The following PDE10A variants were observed in gnomAD, a reference collection of about 807,000 sequenced individuals.
The protein encoded by PDE10A is cAMP and cAMP-inhibited cGMP 3',5'-cyclic phosphodiesterase 10A.
A neutral mutation model predicts 97.7 loss-of-function variants in PDE10A; 39 were observed. The ratio of observed to expected loss-of-function variants is 0.40; its 90% confidence interval spans 0.31 to 0.52. The LOEUF (loss-of-function observed/expected upper bound fraction) is 0.52, where lower values mean the gene tolerates loss of function less well. Among genes scored for constraint, PDE10A ranks in the 20% least tolerant of loss-of-function variants. The pLI, the probability that PDE10A is intolerant of heterozygous loss-of-function variation, is 0.56. For missense variants in PDE10A, 731 were observed against 1,047.8 expected (o/e 0.70, Z 4.17); for synonymous variants, 371 against 376.8 (o/e 0.98, Z 0.18).
In PDE10A at chr6:165,584,244, T is replaced by A. The variant is rs11967750; in HGVS notation, c.866-40676A>T. On this transcript the variant is annotated intron_variant, in intron 1 of 21. Transcript: ENST00000539869. ...GTGCACTGCAGTTTTCTGGAAGGAG[T>A]TGCAGTTGAGGACTCAGGCTTCCCT... 2.0e-5 allele frequency among the ~76,000 whole-genome samples: 3 copies of A among 151,926 alleles called. No homozygotes were observed. The East Asian group carries it at 5.8e-4, about 29-fold the overall frequency.
chr6:165,986,500 C>CCTCTCTCTCTCTCTCTCT (rs1353099002), intron 1 of PDE10A: 1 of 130,434 alleles, frequency 7.7e-6, no homozygotes, highest in African/African-American at 3.1e-5. Context: ...TGGTGTTGCG[C>CCTCTCTCTCTCTCTCTCT]CTCTCTCTCT....
chr6:165,663,729 A>G (rs541328207), upstream of PDE10A, among the ~76,000 whole-genome samples: 2 of 152,336 alleles, frequency 1.3e-5, no homozygotes, highest in East Asian at 3.9e-4. Context: ...GCACAAGCCC[A>G]GTTTGCCTTG....
intron 1 of PDE10A, among the ~76,000 whole-genome samples, chr6:165,778,198 G>A (rs1778246794): frequency 6.6e-6 from 1 of 152,008 alleles, no homozygotes; most frequent in Admixed American, 6.6e-5. Context: ...CCTCTCCCGA[G>A]TAGCTGGGAC....
intron 1 of PDE10A, among the ~76,000 whole-genome samples, chr6:165,583,321 C>T (rs1785720455): frequency 6.6e-6 from 1 of 152,196 alleles, no homozygotes; most frequent in Non-Finnish European, 1.5e-5. Flanking sequence ...TCTACCTCTT[C>T]AGTCTTACTG....
intron 1 of PDE10A, among the ~76,000 whole-genome samples, chr6:165,567,131 G>A (rs559769081): frequency 6.6e-6 from 1 of 152,116 alleles, no homozygotes. Flanking sequence ...AAACTATTCA[G>A]AACTGCATGG....
intron 5 of PDE10A, among the ~76,000 whole-genome samples, 185 bp from the exon 6 acceptor site, chr6:165,435,562 C>T (rs1030617320): frequency 6.6e-6 from 1 of 152,176 alleles, no homozygotes; most frequent in African/African-American, 2.4e-5. Flanking sequence ...CACATTTCCA[C>T]TTCACAAAAA....
intron 1 of PDE10A, among the ~76,000 whole-genome samples, chr6:165,886,062 TA>T (rs1483810908): frequency 6.6e-6 from 1 of 152,256 alleles, no homozygotes; most frequent in African/African-American, 2.4e-5. Flanking sequence ...AAATTTCATT[TA>T]TTTTTTGAAT....
At chr6:165,907,612 G>T (rs1020251460) in intron 1 of PDE10A, among the ~76,000 whole-genome samples, 7 of 150,778 alleles carry the variant, frequency 4.6e-5, no homozygotes, top group Admixed American at 2.0e-4. Flanking sequence ...CAGGTGTCAG[G>T]GGTTCGTGTG....
intron 2 of PDE10A, among the ~76,000 whole-genome samples, chr6:165,485,664 C>T (rs1101268): frequency 0.29 from 43,581 of 149,694 alleles, 6,727 homozygotes; most frequent in African/African-American, 0.39. Context: ...GTGATCTCAG[C>T]TCACTGCAAC....
chr6:165,949,606 C>T (rs1405365742), intron 1 of PDE10A: 1 of 152,036 alleles, frequency 6.6e-6, no homozygotes, highest in African/African-American at 2.4e-5. Context: ...GCTGACCATC[C>T]CCCACATGAA....
At chr6:165,700,919 C>T (rs1791555529) in intron 1 of PDE10A, among the ~76,000 whole-genome samples, 1 of 152,164 alleles carries the variant, frequency 6.6e-6, no homozygotes, top group South Asian at 2.1e-4. Context: ...GATTGGTTGG[C>T]AGCAGTGGTT....
At chr6:165,798,952 C>T (rs1778904447) in intron 1 of PDE10A, among the ~76,000 whole-genome samples, 1 of 152,218 alleles carries the variant, frequency 6.6e-6, no homozygotes, top group Non-Finnish European at 1.5e-5. Context: ...AAGTGATCCG[C>T]CTGCTTTGGC....
chr6:165,466,618 G>A (rs1481636404), intron 3 of PDE10A, among the ~76,000 whole-genome samples: 1 of 152,154 alleles, frequency 6.6e-6, no homozygotes, highest in East Asian at 1.9e-4. Context: ...AATTCTCACT[G>A]TATTTCAAAA....
rs373209781 is a variant in PDE10A, at chr6:165,388,449, T to C, written c.2459A>G (p.Lys820Arg). 1.5e-5 allele frequency: 25 copies of C among 1,614,038 alleles called. No homozygotes were observed. Among genetic ancestry groups the C allele is most frequent in the Non-Finnish European group, 2.0e-5 (24 of 1,179,968 alleles). Residue 820 changes from lysine (K) to arginine (R), a missense_variant, in exon 17 of 22, where the codon AAA (lysine) becomes AGA (arginine). Around this residue, in one of 8 missense-constraint regions of PDE10A, gnomAD observed 131 missense variants for 187.4 expected, o/e 0.70. Coordinates refer to ENST00000539869, the MANE Select transcript of PDE10A (RefSeq NM_001385079.1). The surrounding 1 kb of genome is among the most constrained non-coding windows in gnomAD (Gnocchi z 4.0). ...ACACAGACACGCAATCAGCAGTCCT[T>C]TGCGCTTTAAAAAATAATATGATGC... is the stretch of plus-strand genomic sequence containing the variant. Reference protein sequence around the residue: ...NHTLFTDLERKGLLIACLCHD... With the variant: ...NHTLFTDLERRGLLIACLCHD...
intron 1 of PDE10A, among the ~76,000 whole-genome samples, chr6:165,691,240 C>CAG (rs1212149596): frequency 6.8e-6 from 1 of 147,860 alleles, no homozygotes; most frequent in Non-Finnish European, 1.5e-5. Flanking sequence ...CACACACACA[C>CAG]AGAGTCAGGC....
chr6:165,417,251 T>C (rs1788382635), intron 11 of PDE10A, among the ~76,000 whole-genome samples: 1 of 152,224 alleles, frequency 6.6e-6, no homozygotes, highest in African/African-American at 2.4e-5. Context: ...TCTTGTGCTT[T>C]GAACAACATA....
In PDE10A at chr6:165,661,860, T is replaced by C. The variant is rs547638417; in HGVS notation, c.865+87A>G. ...CACGGGCACCTCGCTCGACACCCGC[T>C]TCCCACCCAGCAGTCCAAGCCCCCC... On this transcript the variant is annotated intron_variant, in intron 1 of 21. Transcript: ENST00000539869. The surrounding 1 kb of genome is among the most constrained non-coding windows in gnomAD (Gnocchi z 4.8). 2 of 665,180 alleles carry C rather than the reference T, an allele frequency of 3.0e-6. No homozygotes were observed. Among genetic ancestry groups the C allele is most frequent in the South Asian group, 3.4e-5 (2 of 59,294 alleles). The allele number at this position is 665,180 out of a possible 1,614,324, so 41.2% of individuals were successfully genotyped here. A position where few individuals can be genotyped will look rare whatever the true frequency, so the allele number is the denominator to read the frequency against.
chr6:165,356,945 A>G (rs1045600034), intron 18 of PDE10A, among the ~76,000 whole-genome samples: 1 of 152,138 alleles, frequency 6.6e-6, no homozygotes, highest in African/African-American at 2.4e-5. Context: ...AGGACCTCCA[A>G]TTCAGAGTAC....
intron 1 of PDE10A, among the ~76,000 whole-genome samples, chr6:165,739,164 A>T (rs1792655825): frequency 6.6e-6 from 1 of 152,208 alleles, no homozygotes. Context: ...GAATCACAGG[A>T]CCCTGGATAG....
Sources: allele counts gnomAD v4.1 joint callset (sites outside exome capture counted in the v4.1 genomes callset), GRCh38; gene constraint gnomAD v4.1.1; regional missense constraint gnomAD v4.1.1; non-coding constraint Gnocchi (gnomAD v3.1); transcripts MANE v1.5; gene names NCBI Gene and HGNC (gene_info 2026-07-23, HGNC 2026-07-21).